Variants in HNRNPD observed in about 807,000 individuals in gnomAD.
The protein encoded by HNRNPD is heterogeneous nuclear ribonucleoprotein D0.
A neutral mutation model predicts 47.9 loss-of-function variants in HNRNPD; 3 were observed. The observed-to-expected ratio is 0.06, with a 90% CI of 0.03 to 0.16. HNRNPD has a LOEUF of 0.16. Ranked by LOEUF, HNRNPD falls within the 10% of genes least tolerant of loss-of-function variation. The probability of loss-of-function intolerance (pLI) is 1.00; values close to 1 mark genes in which losing one functional copy is unlikely to be tolerated. For synonymous variants in HNRNPD, 171 were observed against 165.1 expected (o/e 1.04, Z -0.28); for missense variants, 287 against 454.2 (o/e 0.63, Z 3.35).
chr4:82,361,514 G>A (rs1462365667), intron 2 of HNRNPD, among the ~76,000 whole-genome samples: 2 of 152,114 alleles, frequency 1.3e-5, no homozygotes, highest in African/African-American at 2.4e-5. Context: ...ATTTCAGCCT[G>A]AACACAACAG....
intron 2 of HNRNPD, among the ~76,000 whole-genome samples, chr4:82,367,370 T>A (rs1371695072): frequency 6.6e-6 from 1 of 152,174 alleles, no homozygotes; most frequent in Non-Finnish European, 1.5e-5. Flanking sequence ...CACAATTCTA[T>A]AAAACTGTGT....
At chr4:82,357,492 C>T (rs1226096877) in intron 4 of HNRNPD, 48 bp from the exon 5 acceptor site, 1 of 1,521,054 alleles carries the variant, frequency 6.6e-7, no homozygotes, top group African/African-American at 1.4e-5. Context: ...ATTTTATTGA[C>T]CTTAAAAGAA....
chr4:82,359,039 T>C (rs1723849222), intron 3 of HNRNPD, among the ~76,000 whole-genome samples: 1 of 152,094 alleles, frequency 6.6e-6, no homozygotes, highest in Non-Finnish European at 1.5e-5. Flanking sequence ...ATTTAACCAA[T>C]TACTAGATAA....
At chr4:82,363,920 T>C (rs999974597) in intron 2 of HNRNPD, among the ~76,000 whole-genome samples, 1 of 152,222 alleles carries the variant, frequency 6.6e-6, no homozygotes, top group African/African-American at 2.4e-5. Context: ...CATTTTATCA[T>C]CTTTTAAAGC....
rs1334992018 is a variant in HNRNPD, at chr4:82,373,586, C to T, written c.93G>A (p.Val31=). 2.0e-6 allele frequency: 3 copies of T among 1,535,808 alleles called. No individual in the cohort carries two copies. The highest frequency in any genetic ancestry group is 1.4e-5 in the African/African-American group (1 of 71,846). Reference sequence around the variant, plus strand: ...CCGCCGCTGCCCCCTGTGTCGCCGCCACCATGGCTCCCTCCTGCTCGCCCG... The same window carrying T: ...CCGCCGCTGCCCCCTGTGTCGCCGCTACCATGGCTCCCTCCTGCTCGCCCG... ...GSAGEQEGAM[V]AATQGAAAAA... is the part of the protein sequence containing the mutation. Residue 31 remains valine, a synonymous_variant, in exon 1 of 9, where the codon GTG becomes GTA. Coordinates refer to ENST00000313899, the MANE Select transcript of HNRNPD (RefSeq NM_031370.3).
intron 2 of HNRNPD, among the ~76,000 whole-genome samples, chr4:82,368,038 T>G (rs532896817): frequency 2.0e-5 from 3 of 152,192 alleles, no homozygotes; most frequent in Non-Finnish European, 4.4e-5. Context: ...TACTAAAACG[T>G]TGAAGCAGAA....
intron 7 of HNRNPD, chr4:82,356,090 G>A (rs1237531418): frequency 6.5e-6 from 1 of 154,116 alleles, no homozygotes; most frequent in East Asian, 1.9e-4. Context: ...AAGTTTTTTG[G>A]TTCTATCAAG....
intron 4 of HNRNPD, 75 bp from the exon 5 acceptor site, chr4:82,357,519 G>T: frequency 7.9e-7 from 1 of 1,266,768 alleles, no homozygotes; most frequent in Non-Finnish European, 1.1e-6. Flanking sequence ...GTTTAGAGGG[G>T]GGAAAACACA....
Position 82,353,078 on chromosome 4 carries a change from G to A in HNRNPD, c.*1107C>T, listed in dbSNP as rs1467005380. The A allele has an allele frequency of 6.6e-6, 1 of 152,138 alleles. No homozygotes were observed. Among genetic ancestry groups the A allele is most frequent in the Non-Finnish European group, 1.5e-5 (1 of 68,022 alleles). 9.4% of individuals were successfully genotyped at this position (152,138 alleles called of 1,614,324 possible). On this transcript the variant is annotated 3_prime_UTR_variant, in exon 9 of 9. Coordinates refer to ENST00000313899, the MANE Select transcript of HNRNPD (RefSeq NM_031370.3). ...AACGATTTTCCATTCAAGTTGATGG[G>A]TATCAATTCCCTGAATGCTAATAAC... is the stretch of plus-strand genomic sequence containing the variant.
rs1720036435 is a variant in HNRNPD, at chr4:82,371,334, A to G, written c.290+194T>C. On this transcript the variant is annotated intron_variant, in intron 2 of 8. Coordinates refer to ENST00000313899, the MANE Select transcript of HNRNPD (RefSeq NM_031370.3). ...CATGCATTACCACAGACCAAATACCATGTAACGGCATCAATTTTGCCCAAA... is the reference window on the plus strand; with the variant it reads ...CATGCATTACCACAGACCAAATACCGTGTAACGGCATCAATTTTGCCCAAA... Among the ~76,000 whole-genome samples, 3 of 152,326 alleles carry G rather than the reference A, an allele frequency of 2.0e-5. No homozygotes were observed. The East Asian group carries it at 5.8e-4, about 29-fold the overall frequency.
rs755797386 is a variant in HNRNPD, at chr4:82,359,649, C to CA, written c.291-11dup. ...TCCTATAAACATTTTCCTGTAAAGA[C>CA]AAAAAGCAGTATTAAAATGCTTAAA... On this transcript the variant is annotated splice_polypyrimidine_tract_variant and intron_variant, in intron 2 of 8. Coordinates refer to ENST00000313899, the MANE Select transcript of HNRNPD (RefSeq NM_031370.3). The CA allele has an allele frequency of 1.3e-6, 2 of 1,517,724 alleles. No homozygotes were observed. The highest frequency in any genetic ancestry group is 2.3e-5 in the East Asian group (1 of 43,546). The allele number at this position is 1,517,724 out of a possible 1,614,324, so 94.0% of individuals were successfully genotyped here.
intron 2 of HNRNPD, among the ~76,000 whole-genome samples, chr4:82,364,734 G>T (rs1032333781): frequency 6.6e-6 from 1 of 152,134 alleles, no homozygotes; most frequent in African/African-American, 2.4e-5. Context: ...TCACCTTGAT[G>T]ACTTGGTCTA....
In HNRNPD at chr4:82,356,844, A is replaced by ACTGTTG; in HGVS notation, c.799_804dup (p.Gln267_Gln268dup). 1.2e-6 allele frequency: 2 copies of ACTGTTG among 1,614,080 alleles called. No individual in the cohort carries two copies. Among genetic ancestry groups the ACTGTTG allele is most frequent in the Non-Finnish European group, 1.7e-6 (2 of 1,179,962 alleles). ...CCTGCAAATCCTCCTCTAGATCCCC[A>ACTGTTG]CTGTTGCTGTTGCTGATATTGTTCC... On this transcript the variant is annotated inframe_insertion, in exon 6 of 9. Transcript: ENST00000313899.
chr4:82,364,169 T>G (rs1317328825), intron 2 of HNRNPD, among the ~76,000 whole-genome samples: 1 of 152,106 alleles, frequency 6.6e-6, no homozygotes, highest in South Asian at 2.1e-4. Context: ...CAGGTTTTAC[T>G]ATGTCGCCCA....
chr4:82,373,625 C>CGCCGCCGTTGCCGCT lies in HNRNPD; in HGVS notation c.39_53dup (p.Ala14_Ala18dup), dbSNP rs2110007893. ...CCTGCTCGCCCGCCGAGCCGCCTAC[C>CGCCGCCGTTGCCGCT]GCCGCCGTTGCCGCTGCCGCCGCCC... On this transcript the variant is annotated inframe_insertion, in exon 1 of 9. Coordinates refer to ENST00000313899, the MANE Select transcript of HNRNPD (RefSeq NM_031370.3). 2 of 1,527,362 alleles carry CGCCGCCGTTGCCGCT rather than the reference C, an allele frequency of 1.3e-6. No homozygotes were observed. Among genetic ancestry groups the CGCCGCCGTTGCCGCT allele is most frequent in the East Asian group, 5.1e-5 (2 of 39,598 alleles). 94.6% of individuals were successfully genotyped at this position (1,527,362 alleles called of 1,614,324 possible). A position where few individuals can be genotyped will look rare whatever the true frequency, so the allele number is the denominator to read the frequency against.
chr4:82,372,280 T>G (rs973320750), intron 1 of HNRNPD, among the ~76,000 whole-genome samples: 5 of 152,188 alleles, frequency 3.3e-5, no homozygotes, highest in African/African-American at 1.2e-4. Context: ...CTAACTCCCG[T>G]ATTATGTTCC....
At chr4:82,361,612 T>C (rs1044769912) in intron 2 of HNRNPD, among the ~76,000 whole-genome samples, 1 of 152,236 alleles carries the variant, frequency 6.6e-6, no homozygotes, top group African/African-American at 2.4e-5. Context: ...CTAGTTTTGA[T>C]TTTATTTAAC....
At chr4:82,366,373 A>G (rs1408246309) in intron 2 of HNRNPD, among the ~76,000 whole-genome samples, 2 of 151,660 alleles carry the variant, frequency 1.3e-5, no homozygotes, top group Admixed American at 6.6e-5. Flanking sequence ...CCTCCCAAGT[A>G]GATGGGACTA....
intron 1 of HNRNPD, chr4:82,373,143 T>A (rs375486069): frequency 1.6e-6 from 1 of 609,092 alleles, no homozygotes; most frequent in Non-Finnish European, 3.1e-6. Flanking sequence ...GAAAAAATCC[T>A]GGCGGCTAAG....
Sources: allele counts gnomAD v4.1 joint callset (sites outside exome capture counted in the v4.1 genomes callset), GRCh38; gene constraint gnomAD v4.1.1; transcripts MANE v1.5; gene names NCBI Gene and HGNC (gene_info 2026-07-23, HGNC 2026-07-21).